The following AP1AR variants were observed in gnomAD, a reference collection of about 807,000 sequenced individuals.
AP1AR encodes adaptor related protein complex 1 associated regulatory protein, also known as AP-1 complex-associated regulatory protein.
In AP1AR, 29 loss-of-function variants were observed where a neutral mutation model predicts 46.3. That is an observed-to-expected ratio of 0.63 (90% confidence interval 0.47 to 0.85). The LOEUF (loss-of-function observed/expected upper bound fraction) is 0.85. AP1AR is among the 40% of genes least tolerant of loss of function. The pLI, the probability that AP1AR is intolerant of heterozygous loss-of-function variation, is 0.00. For synonymous variants in AP1AR, 122 were observed against 122.9 expected (o/e 0.99, Z 0.05); for missense variants, 357 against 356.3 (o/e 1.00, Z -0.02).
Position 112,265,781 on chromosome 4 carries a change from C to A in AP1AR, c.488C>A (p.Ser163Ter). ...DFESCLRNMK[S>*]QYEVFRSSRL... is the part of the protein sequence containing the mutation. ...GAATCTTGTTTGAGAAATATGAAGT[C>A]ACAGTATGAAGTTTTTCGAAGTAGT... is the stretch of plus-strand genomic sequence containing the variant. Residue 163 changes from serine (S) to a stop codon, truncating the protein, a stop_gained, in exon 8 of 10, where the codon TCA becomes TAA. Transcript: ENST00000274000. LOFTEE classifies it high-confidence loss of function. 6.2e-7 allele frequency: 1 copy of A among 1,609,484 alleles called. No homozygotes were observed. The highest frequency in any genetic ancestry group is 1.1e-5 in the South Asian group (1 of 90,620).
At chr4:112,245,242 AT>A (rs1370085053) in intron 1 of AP1AR, among the ~76,000 whole-genome samples, 2 of 152,102 alleles carry the variant, frequency 1.3e-5, no homozygotes, top group Admixed American at 6.5e-5. Context: ...AATTAAACTT[AT>A]TTTTTTCTTA....
intron 1 of AP1AR, among the ~76,000 whole-genome samples, chr4:112,250,110 CCT>C (rs1380610443): frequency 6.6e-6 from 1 of 152,180 alleles, no homozygotes; most frequent in African/African-American, 2.4e-5. Flanking sequence ...TACTTCCATT[CCT>C]TTCCCCAGTT....
intron 1 of AP1AR, among the ~76,000 whole-genome samples, chr4:112,245,871 A>G (rs1725706432): frequency 6.6e-6 from 1 of 152,154 alleles, no homozygotes; most frequent in Admixed American, 6.5e-5. Flanking sequence ...TGTTCTTATT[A>G]TTCTCTAAAC....
intron 5 of AP1AR, among the ~76,000 whole-genome samples, chr4:112,262,539 C>A (rs889116425): frequency 1.4e-4 from 22 of 152,130 alleles, no homozygotes; most frequent in African/African-American, 4.8e-4. Flanking sequence ...ATTAAGGAGA[C>A]ATGTGCATTG....
At chr4:112,248,288 T>C (rs1451690261) in intron 1 of AP1AR, among the ~76,000 whole-genome samples, 1 of 152,138 alleles carries the variant, frequency 6.6e-6, no homozygotes, top group Non-Finnish European at 1.5e-5. Context: ...GCAAACATAC[T>C]CTGTGGGGCT....
chr4:112,243,736 A>G (rs1681482483), intron 1 of AP1AR, among the ~76,000 whole-genome samples: 1 of 152,090 alleles, frequency 6.6e-6, no homozygotes, highest in South Asian at 2.1e-4. Flanking sequence ...TCTTTTACAA[A>G]CTACCTCAAT....
intron 1 of AP1AR, among the ~76,000 whole-genome samples, chr4:112,245,109 A>G (rs968667332): frequency 1.1e-4 from 17 of 152,148 alleles, no homozygotes; most frequent in Admixed American, 3.3e-4. Context: ...GTTACTATTG[A>G]AAATAGTAGA....
intron 1 of AP1AR, among the ~76,000 whole-genome samples, chr4:112,250,793 A>T (rs1292612444): frequency 6.6e-6 from 1 of 151,800 alleles, no homozygotes; most frequent in Non-Finnish European, 1.5e-5. Flanking sequence ...GAAAGCTTGA[A>T]TTTTTTCCCA....
intron 4 of AP1AR, among the ~76,000 whole-genome samples, chr4:112,259,893 A>G (rs1726366168): frequency 6.6e-6 from 1 of 152,172 alleles, no homozygotes; most frequent in Non-Finnish European, 1.5e-5. Context: ...GGTTGCCACA[A>G]AGTTGGGGCG....
At chr4:112,232,922 C>T (rs547082513) in intron 1 of AP1AR, among the ~76,000 whole-genome samples, 6 of 152,288 alleles carry the variant, frequency 3.9e-5, no homozygotes, top group African/African-American at 1.2e-4. Context: ...TGTATATGCA[C>T]CATCCACAGA....
chr4:112,233,094 G>A (rs746270594), intron 1 of AP1AR, among the ~76,000 whole-genome samples: 1 of 152,170 alleles, frequency 6.6e-6, no homozygotes, highest in Non-Finnish European at 1.5e-5. Context: ...TAAGGACTAA[G>A]ACTGTTTTGC....
At position 112,265,085 on chromosome 4, in the gene AP1AR, T is replaced by C. The variant is rs749879785; in HGVS notation, c.440+18T>C. On this transcript the variant is annotated intron_variant, in intron 7 of 9. Coordinates refer to ENST00000274000, the MANE Select transcript of AP1AR (RefSeq NM_018569.6). ...TATCAAAGGTAAATAGTGAAACATA[T>C]GCCTCCTTCCCTTTGTGGTAGAACA... is the stretch of plus-strand genomic sequence containing the variant. 1.3e-6 allele frequency: 2 copies of C among 1,587,644 alleles called. No homozygotes were observed. The highest frequency in any genetic ancestry group is 8.6e-7 in the Non-Finnish European group (1 of 1,166,280).
At chr4:112,250,776 T>G (rs1210386729) in intron 1 of AP1AR, among the ~76,000 whole-genome samples, 1 of 152,234 alleles carries the variant, frequency 6.6e-6, no homozygotes, top group Non-Finnish European at 1.5e-5. Context: ...CTAATCCATT[T>G]TAAAAGGAAA....
chr4:112,267,900 T>C (rs750270716), intron 9 of AP1AR, among the ~76,000 whole-genome samples: 6 of 151,906 alleles, frequency 3.9e-5, no homozygotes, highest in Non-Finnish European at 2.9e-5. Flanking sequence ...TTTCATCTTA[T>C]CGGATAATCG....
chr4:112,236,199 CT>C (rs1329823044), intron 1 of AP1AR, among the ~76,000 whole-genome samples: 2 of 151,822 alleles, frequency 1.3e-5, no homozygotes, highest in Non-Finnish European at 2.9e-5. Context: ...TGTTTTCTTC[CT>C]GTCTTCTGCC....
chr4:112,253,035 A>C (rs1188592293), intron 1 of AP1AR, among the ~76,000 whole-genome samples, 173 bp from the exon 2 acceptor site: 1 of 152,166 alleles, frequency 6.6e-6, no homozygotes, highest in Non-Finnish European at 1.5e-5. Flanking sequence ...TGAAGTTTAA[A>C]AATCTGGACT....
intron 1 of AP1AR, among the ~76,000 whole-genome samples, chr4:112,243,524 G>A (rs183496802): frequency 0.011 from 1,725 of 152,180 alleles, 19 homozygotes; most frequent in Non-Finnish European, 0.017. Context: ...CATTCTATAC[G>A]TTTATCCCCG....
rs750176441 is a variant in AP1AR at position 112,265,085 on chromosome 4, TGCC to T, written c.440+19_440+21del. On this transcript the variant is annotated intron_variant, in intron 7 of 9. Transcript: ENST00000274000. ...TATCAAAGGTAAATAGTGAAACATA[TGCC>T]TCCTTCCCTTTGTGGTAGAACATTT... 6.3e-7 allele frequency: 1 copy of T among 1,587,644 alleles called. No homozygotes were observed. Among genetic ancestry groups the T allele is most frequent in the South Asian group, 1.2e-5 (1 of 86,846 alleles).
At position 112,254,725 on chromosome 4, in the gene AP1AR, G is replaced by A. The variant is rs190076516; in HGVS notation, c.133-22G>A. On this transcript the variant is annotated intron_variant, in intron 2 of 9. Transcript: ENST00000274000. ...ACCTAAGACAAATATTCCTCTTAAC[G>A]CTTACTTTTTTGTCCTTTCAGTTTG... 190 of 1,486,676 alleles carry A rather than the reference G, an allele frequency of 1.3e-4. No individual in the cohort carries two copies. The African/African-American group carries it at 2.0e-3, about 16-fold the overall frequency. The allele number at this position is 1,486,676 out of a possible 1,614,324, so 92.1% of individuals were successfully genotyped here. A position where few individuals can be genotyped will look rare whatever the true frequency, so the allele number is the denominator to read the frequency against.
Sources: allele counts gnomAD v4.1 joint callset (sites outside exome capture counted in the v4.1 genomes callset), GRCh38; gene constraint gnomAD v4.1.1; transcripts MANE v1.5; gene names NCBI Gene and HGNC (gene_info 2026-07-23, HGNC 2026-07-21).